Variants in RSBN1L observed in about 807,000 individuals in gnomAD.
RSBN1L encodes the protein round spermatid basic protein 1 like, also known as lysine-specific demethylase RSBN1L.
RSBN1L carries 30 observed loss-of-function variants against 67.7 expected under a neutral mutation model. That is an observed-to-expected ratio of 0.44 (90% CI 0.33 to 0.60). RSBN1L has a LOEUF of 0.60. RSBN1L is among the 20% of genes least tolerant of loss of function. RSBN1L has a pLI of 0.02. For synonymous variants in RSBN1L, 433 were observed against 387.0 expected (o/e 1.12, Z -1.39); for missense variants, 992 against 1,031.7 (o/e 0.96, Z 0.53).
At chr7:77,758,715 G>A (rs1358878536) in intron 3 of RSBN1L, among the ~76,000 whole-genome samples, 3 of 152,228 alleles carry the variant, frequency 2.0e-5, no homozygotes, top group Non-Finnish European at 4.4e-5. Flanking sequence ...GACCACGTTC[G>A]TTTTAGGTTT....
chr7:77,755,399 T>G (rs1791603621), intron 3 of RSBN1L, among the ~76,000 whole-genome samples: 2 of 152,102 alleles, frequency 1.3e-5, no homozygotes, highest in Admixed American at 1.3e-4. Flanking sequence ...GCGTGGTGGC[T>G]CACCCCTGTA....
intron 1 of RSBN1L, among the ~76,000 whole-genome samples, chr7:77,721,059 T>C (rs1791113366): frequency 6.6e-6 from 1 of 152,120 alleles, no homozygotes; most frequent in Non-Finnish European, 1.5e-5. Flanking sequence ...TTTTTTCTTA[T>C]GTGGATTTAA....
At chr7:77,720,546 C>G (rs181528272) in intron 1 of RSBN1L, among the ~76,000 whole-genome samples, 137 of 151,752 alleles carry the variant, frequency 9.0e-4, no homozygotes, top group Admixed American at 8.8e-3. Flanking sequence ...GCAACAAGAG[C>G]GAAACTCCGT....
chr7:77,767,068 CTTCCCTTCCCCTTCCCCTTCCCTTTCCCT>C (rs1265022743), intron 4 of RSBN1L, among the ~76,000 whole-genome samples: 5 of 132,824 alleles, frequency 3.8e-5, no homozygotes, highest in East Asian at 2.2e-4. Context: ...TCCCTTTCCC[CTTCCCTTCCCCTTCCCCTTCCCTTTCCCT>C]TTCCCTTCCT....
rs775321660 is a variant in RSBN1L at position 77,749,516 on chromosome 7, C to T, written c.796C>T (p.Arg266Trp). The change falls in exon 3 of 8, where the codon CGG (arginine) becomes TGG (tryptophan). Residue 266 changes from arginine (R) to tryptophan (W), a missense_variant. Around this residue, in one of 7 missense-constraint regions of RSBN1L, gnomAD observed 575 missense variants for 483.2 expected, o/e 1.19. Transcript: ENST00000334955. ...AAAGAAACACAAAGAGAATGAAAAA[C>T]GGAAGCGTCCGAAAATGTATAGCAA... ...KKKKHKENEKRKRPKMYSKSI... is the reference protein window; with the variant it reads ...KKKKHKENEKWKRPKMYSKSI... 5.0e-6 allele frequency: 8 copies of T among 1,607,290 alleles called. No individual in the cohort carries two copies. The Admixed American group carries it at 6.8e-5, about 14-fold the overall frequency.
At chr7:77,773,369 T>A (rs979157436) in intron 6 of RSBN1L, 55 bp downstream of exon 6, 109 of 1,281,186 alleles carry the variant, frequency 8.5e-5, no homozygotes, top group Middle Eastern at 2.0e-4. Flanking sequence ...CTACAATTTT[T>A]CTTGGAAAAT....
intron 6 of RSBN1L, among the ~76,000 whole-genome samples, chr7:77,775,556 C>CT (rs1056412535): frequency 3.3e-5 from 5 of 152,064 alleles, no homozygotes; most frequent in African/African-American, 9.7e-5. Context: ...TGTTTGATTT[C>CT]TTTTTTAACC....
In RSBN1L at chr7:77,749,871, T is replaced by G; in HGVS notation, c.1151T>G (p.Phe384Cys). The G allele has an allele frequency of 6.2e-7, 1 of 1,614,146 alleles. No individual in the cohort carries two copies. The highest frequency in any genetic ancestry group is 8.5e-7 in the Non-Finnish European group (1 of 1,180,008). ...PMEMERFAEE[F>C]VGLVFSENEN... ...GAGATGGAGAGGTTTGCAGAAGAGT[T>G]TGTGGGTCTAGTGTTCAGTGAAAAT... is the stretch of plus-strand genomic sequence containing the variant. The change falls in exon 3 of 8, where the codon TTT (phenylalanine) becomes TGT (cysteine). Residue 384 changes from phenylalanine (F) to cysteine (C), a missense_variant. Physicochemically the swap from Phe to Cys is radical, Grantham distance 205 (BLOSUM62 -2). Around this residue, in one of 7 missense-constraint regions of RSBN1L, gnomAD observed 575 missense variants for 483.2 expected, o/e 1.19. Coordinates refer to ENST00000334955, the MANE Select transcript of RSBN1L (RefSeq NM_198467.3).
At chr7:77,768,976 T>C (rs990516379) in intron 5 of RSBN1L, among the ~76,000 whole-genome samples, 173 bp downstream of exon 5, 2 of 152,120 alleles carry the variant, frequency 1.3e-5, no homozygotes, top group African/African-American at 2.4e-5. Context: ...AAAATGTAAA[T>C]AAAGCATGAG....
At chr7:77,700,044 C>A (rs1790794128) in intron 1 of RSBN1L, among the ~76,000 whole-genome samples, 1 of 152,138 alleles carries the variant, frequency 6.6e-6, no homozygotes, top group Admixed American at 6.6e-5. Flanking sequence ...ATCTGCCTGC[C>A]TTGGCCTCCC....
At chr7:77,703,215 G>C (rs2150411323) in intron 1 of RSBN1L, among the ~76,000 whole-genome samples, 1 of 152,240 alleles carries the variant, frequency 6.6e-6, no homozygotes, top group South Asian at 2.1e-4. Context: ...TTTTACTGAG[G>C]ACCATACCTC....
At chr7:77,776,645 C>T (rs1358785963) in intron 6 of RSBN1L, among the ~76,000 whole-genome samples, 4 of 152,148 alleles carry the variant, frequency 2.6e-5, no homozygotes, top group Non-Finnish European at 5.9e-5. Context: ...GATGAATTGG[C>T]CCCTTTTTTC....
At chr7:77,706,568 A>G (rs1790896304) in intron 1 of RSBN1L, among the ~76,000 whole-genome samples, 1 of 152,200 alleles carries the variant, frequency 6.6e-6, no homozygotes, top group South Asian at 2.1e-4. Context: ...GGGTTAAAGA[A>G]TGATGCCAAA....
intron 6 of RSBN1L, among the ~76,000 whole-genome samples, chr7:77,775,936 A>T (rs1791907956): frequency 6.6e-6 from 1 of 152,050 alleles, no homozygotes; most frequent in Non-Finnish European, 1.5e-5. Flanking sequence ...CACACCTGTA[A>T]TCCCAGCTCC....
At chr7:77,703,701 TG>T (rs1396681866) in intron 1 of RSBN1L, among the ~76,000 whole-genome samples, 1 of 152,060 alleles carries the variant, frequency 6.6e-6, no homozygotes, top group African/African-American at 2.4e-5. Flanking sequence ...TTGGCCAGGC[TG>T]GTCTCGAACT....
At chr7:77,771,234 G>A (rs116940169) in intron 5 of RSBN1L, among the ~76,000 whole-genome samples, 1,877 of 152,044 alleles carry the variant, frequency 0.012, 17 homozygotes, top group Middle Eastern at 0.034. Context: ...TGCCCGTCCT[G>A]ATTATAGCTT....
At chr7:77,775,536 CT>C (rs1791902215) in intron 6 of RSBN1L, among the ~76,000 whole-genome samples, 1 of 152,098 alleles carries the variant, frequency 6.6e-6, no homozygotes, top group African/African-American at 2.4e-5. Context: ...TTCAGGATAT[CT>C]CTAATTCCTG....
intron 1 of RSBN1L, among the ~76,000 whole-genome samples, chr7:77,714,494 T>TA (rs1791020236): frequency 1.3e-5 from 2 of 152,386 alleles, no homozygotes; most frequent in East Asian, 1.9e-4. Flanking sequence ...CTTGTTATAT[T>TA]ACTTTTGAGA....
Position 77,780,438 on chromosome 7 carries a change from G to A in RSBN1L, c.*1270G>A, listed in dbSNP as rs752014284. On this transcript the variant is annotated 3_prime_UTR_variant, in exon 8 of 8. Transcript: ENST00000334955. ...TGGCCAGATTACATAGCCTACCATA[G>A]ATTTTTTTTATTGTGTATGGGATGA... 4 of 152,120 alleles carry A rather than the reference G, an allele frequency of 2.6e-5. No individual in the cohort carries two copies. The highest frequency in any genetic ancestry group is 7.2e-5 in the African/African-American group (3 of 41,422). 9.4% of individuals were successfully genotyped at this position (152,120 alleles called of 1,614,324 possible). A position where few individuals can be genotyped will look rare whatever the true frequency, so the allele number is the denominator to read the frequency against.
Sources: allele counts gnomAD v4.1 joint callset (sites outside exome capture counted in the v4.1 genomes callset), GRCh38; gene constraint gnomAD v4.1.1; regional missense constraint gnomAD v4.1.1; transcripts MANE v1.5; gene names NCBI Gene and HGNC (gene_info 2026-07-23, HGNC 2026-07-21).